Variants in CA10 observed in about 807,000 individuals in gnomAD.
CA10 encodes the protein carbonic anhydrase-related protein 10.
In CA10, 14 loss-of-function variants were observed where a neutral mutation model predicts 44.2. The observed-to-expected ratio is 0.32, with a 90% CI of 0.21 to 0.50. CA10 has a LOEUF of 0.50. Ranked by LOEUF, CA10 falls within the 20% of genes least tolerant of loss-of-function variation. The pLI is 0.99. For synonymous variants in CA10, 159 were observed against 141.6 expected (o/e 1.12, Z -0.87); for missense variants, 350 against 409.7 (o/e 0.85, Z 1.26).
At chr17:51,631,733 T>C (rs747894840) in intron 8 of CA10, 127 bp from the exon 9 acceptor site, 16 of 782,640 alleles carry the variant, frequency 2.0e-5, no homozygotes, top group Non-Finnish European at 3.5e-5. Flanking sequence ...AATGCCTGCT[T>C]ACTTATATGC....
At chr17:52,131,158 G>C (rs1034166073) in intron 1 of CA10, among the ~76,000 whole-genome samples, 10 of 150,644 alleles carry the variant, frequency 6.6e-5, no homozygotes, top group Admixed American at 3.3e-4. Context: ...TTACCCCAAA[G>C]TTCCCCTTTA....
At position 51,887,494 on chromosome 17, in the gene CA10, T is replaced by C. The variant is rs369480519; in HGVS notation, c.279+43496A>G. ...AGGCTTCAGATACAGAGTTATATTA[T>C]GGGAACAGCAAAGTCTTTGGACTAA... On this transcript the variant is annotated intron_variant, in intron 3 of 8. Transcript: ENST00000451037. 1.1e-4 allele frequency among the ~76,000 whole-genome samples: 16 copies of C among 152,312 alleles called. No individual in the cohort carries two copies. The East Asian group carries it at 2.7e-3, about 26-fold the overall frequency.
intron 2 of CA10, among the ~76,000 whole-genome samples, chr17:51,980,501 G>A (rs141574295): frequency 2.4e-3 from 359 of 152,148 alleles, no homozygotes; most frequent in African/African-American, 8.2e-3. Flanking sequence ...TTCTTTTGCT[G>A]TGCAGAAGCT....
chr17:52,035,537 G>A (rs1986591674), intron 2 of CA10, among the ~76,000 whole-genome samples: 1 of 152,188 alleles, frequency 6.6e-6, no homozygotes, highest in South Asian at 2.1e-4. Context: ...GCTGGCAGAG[G>A]GCAGCTGCCT....
rs889961218 is a variant in CA10, at chr17:51,847,319, T to C, written c.279+83671A>G. 2.6e-5 allele frequency among the ~76,000 whole-genome samples: 4 copies of C among 152,334 alleles called. No individual in the cohort carries two copies. In the East Asian group the frequency reaches 7.7e-4, roughly 29 times the overall value. On this transcript the variant is annotated intron_variant, in intron 3 of 8. Transcript: ENST00000451037. ...AAGGCAAATGAAGTAGTCTCCTTTT[T>C]AAGCATCCTCTGCTTTTCTGTTAAA...
intron 3 of CA10, among the ~76,000 whole-genome samples, chr17:51,905,545 T>G (rs896541866): frequency 6.7e-6 from 1 of 149,692 alleles, no homozygotes; most frequent in African/African-American, 2.5e-5. Context: ...TTTTTTTTTT[T>G]TTTTTTACAA....
At chr17:52,058,325 A>C (rs1457509082) in intron 2 of CA10, among the ~76,000 whole-genome samples, 1 of 152,178 alleles carries the variant, frequency 6.6e-6, no homozygotes, top group African/African-American at 2.4e-5. Context: ...TCTATGATGC[A>C]GGACTAACTC....
At chr17:52,085,950 C>T (rs185224248) in intron 1 of CA10, among the ~76,000 whole-genome samples, 1 of 152,236 alleles carries the variant, frequency 6.6e-6, no homozygotes, top group Admixed American at 6.5e-5. Flanking sequence ...GTGGTTTCTC[C>T]AGATAAAAGA....
intron 3 of CA10, among the ~76,000 whole-genome samples, chr17:51,870,298 T>C (rs1567867493): frequency 6.6e-6 from 1 of 152,254 alleles, no homozygotes; most frequent in Non-Finnish European, 1.5e-5. Flanking sequence ...TAGGGCATGC[T>C]ATGCTATTTT....
chr17:51,949,917 T>A (rs1250472881), intron 2 of CA10, among the ~76,000 whole-genome samples: 3 of 152,154 alleles, frequency 2.0e-5, no homozygotes, highest in Non-Finnish European at 4.4e-5. Context: ...GGATAGTATA[T>A]CCCTGTTGGG....
chr17:51,737,657 T>G (rs1916957069), intron 4 of CA10, among the ~76,000 whole-genome samples: 1 of 151,872 alleles, frequency 6.6e-6, no homozygotes, highest in South Asian at 2.1e-4. Context: ...CAGAGAGGAG[T>G]GCTGAAGTCA....
intron 3 of CA10, among the ~76,000 whole-genome samples, chr17:51,790,169 C>G (rs1224888847): frequency 6.6e-6 from 1 of 152,158 alleles, no homozygotes; most frequent in Non-Finnish European, 1.5e-5. Context: ...TCTGCAAAAA[C>G]TAGAGTTTCC....
At chr17:51,801,207 G>T (rs1435845305) in intron 3 of CA10, among the ~76,000 whole-genome samples, 2 of 152,208 alleles carry the variant, frequency 1.3e-5, no homozygotes, top group Non-Finnish European at 2.9e-5. Flanking sequence ...CCACAGAGAA[G>T]AGAGTGTAAA....
intron 2 of CA10, among the ~76,000 whole-genome samples, chr17:51,979,965 A>G (rs919722724): frequency 6.6e-6 from 1 of 152,072 alleles, no homozygotes; most frequent in African/African-American, 2.4e-5. Flanking sequence ...CTTCTTTGCT[A>G]TTGTGAATAG....
At chr17:52,094,016 C>G (rs1013412070) in intron 1 of CA10, among the ~76,000 whole-genome samples, 6 of 152,052 alleles carry the variant, frequency 3.9e-5, no homozygotes, top group Non-Finnish European at 8.8e-5. Context: ...AAGCTGGAAA[C>G]CATCATTCTC....
At chr17:51,774,038 C>T (rs961216337) in intron 3 of CA10, among the ~76,000 whole-genome samples, 8 of 152,192 alleles carry the variant, frequency 5.3e-5, no homozygotes, top group Admixed American at 5.2e-4. Context: ...AGGGCCTCTG[C>T]TTCTTTGTTC....
rs983102294 is a variant in CA10, at chr17:51,816,802, A to G, written c.280-68984T>C. Among the ~76,000 whole-genome samples, 16 of 152,296 alleles carry G rather than the reference A, an allele frequency of 1.1e-4. No homozygotes were observed. In the East Asian group the frequency reaches 3.1e-3, roughly 29 times the overall value. ...TTATTCAATTACAAACATTATTCAG[A>G]GAAGGGTCCATAGCCACACCAGACT... is the stretch of plus-strand genomic sequence containing the variant. On this transcript the variant is annotated intron_variant, in intron 3 of 8. Coordinates refer to ENST00000451037, the MANE Select transcript of CA10 (RefSeq NM_020178.5).
At chr17:51,718,833 C>T (rs562907806) in intron 4 of CA10, among the ~76,000 whole-genome samples, 2 of 152,252 alleles carry the variant, frequency 1.3e-5, no homozygotes, top group South Asian at 4.2e-4. Flanking sequence ...GAAATCCTCA[C>T]GTGTTTTGGC....
At chr17:51,681,288 G>A (rs1454056660) in intron 4 of CA10, among the ~76,000 whole-genome samples, 1 of 152,230 alleles carries the variant, frequency 6.6e-6, no homozygotes, top group Non-Finnish European at 1.5e-5. Context: ...CCTCAGGGGT[G>A]CCCTGTAAAT....
Sources: allele counts gnomAD v4.1 joint callset (sites outside exome capture counted in the v4.1 genomes callset), GRCh38; gene constraint gnomAD v4.1.1; transcripts MANE v1.5; gene names NCBI Gene and HGNC (gene_info 2026-07-23, HGNC 2026-07-21).